Variants in EPS15L1 observed in about 807,000 individuals in gnomAD.
EPS15L1 encodes the protein epidermal growth factor receptor pathway substrate 15 like 1, also known as epidermal growth factor receptor substrate 15-like 1.
In EPS15L1, 43 loss-of-function variants were observed where a neutral mutation model predicts 117.1. The ratio of observed to expected loss-of-function variants is 0.37; its 90% CI spans 0.29 to 0.47. The LOEUF (loss-of-function observed/expected upper bound fraction) is 0.47, where lower values mean the gene tolerates loss of function less well. Among genes scored for constraint, EPS15L1 ranks in the 20% least tolerant of loss-of-function variants. EPS15L1 has a pLI of 0.99. For missense variants in EPS15L1, 981 were observed against 1,164.0 expected, an observed-to-expected ratio of 0.84 and a Z score of 2.29; for synonymous variants, 459 against 470.5, an observed-to-expected ratio of 0.98 and a Z score of 0.32.
intron 1 of EPS15L1, among the ~76,000 whole-genome samples, chr19:16,466,154 A>G (rs2093303453): frequency 6.6e-6 from 1 of 151,978 alleles, no homozygotes; most frequent in African/African-American, 2.4e-5. Flanking sequence ...ACGCCTGGCT[A>G]ATTTTTGTAT....
At chr19:16,374,709 T>TGTTGAGTGG (rs1395931333) in intron 22 of EPS15L1, among the ~76,000 whole-genome samples, 1 of 152,162 alleles carries the variant, frequency 6.6e-6, no homozygotes, top group Admixed American at 6.5e-5. Context: ...ACCTGTGAGC[T>TGTTGAGTGG]GTTGAGTGGG....
intron 22 of EPS15L1, among the ~76,000 whole-genome samples, chr19:16,373,213 G>C (rs1044600192): frequency 1.3e-5 from 2 of 152,094 alleles, no homozygotes; most frequent in Non-Finnish European, 2.9e-5. Context: ...CCAGCTCAAG[G>C]CTCGACCGCC....
At chr19:16,391,918 T>C (rs977668705) in intron 19 of EPS15L1, among the ~76,000 whole-genome samples, 7 of 151,946 alleles carry the variant, frequency 4.6e-5, no homozygotes, top group Non-Finnish European at 7.4e-5. Flanking sequence ...GCCGGGTCCA[T>C]GCGAGCATGT....
rs1452332357 is a variant in EPS15L1, at chr19:16,386,224, G to A, written c.2111C>T (p.Pro704Leu). 6.2e-7 allele frequency: 1 copy of A among 1,611,808 alleles called. No homozygotes were observed. The highest frequency in any genetic ancestry group is 1.7e-5 in the Admixed American group (1 of 60,012). The change falls in exon 20 of 24, where the codon CCC (proline) becomes CTC (leucine). Residue 704 changes from proline to leucine, a missense_variant. By Grantham distance (98) the Pro-to-Leu change is moderately conservative. Coordinates refer to ENST00000455140, the MANE Select transcript of EPS15L1 (RefSeq NM_001258374.3). ...KNPSLPSKLD[P>L]FESSDPFSSS... is the part of the protein sequence containing the mutation. ...TGAAAAGGGATCACTGGATTCAAAG[G>A]GGTCGAGCTAAATGAAAGGAGAGAG...
Position 16,370,838 on chromosome 19 carries a change from T to A in EPS15L1, c.2380+6284A>T, listed in dbSNP as rs2092213708. Among the ~76,000 whole-genome samples, 1 of 152,134 alleles carries A rather than the reference T, an allele frequency of 6.6e-6. No homozygotes were observed. The highest frequency in any genetic ancestry group is 1.5e-5 in the Non-Finnish European group (1 of 68,018). ...TCAGACGGAAGCTCTGAAGCTTCCT[T>A]GAACACAGCAGTGCTGGGGGATGGG... On this transcript the variant is annotated intron_variant, in intron 22 of 23. Transcript: ENST00000455140. The surrounding 1 kb of genome is among the most constrained non-coding windows in gnomAD (Gnocchi z 5.2).
chr19:16,430,206 C>T (rs772888933), intron 7 of EPS15L1, among the ~76,000 whole-genome samples: 5 of 152,218 alleles, frequency 3.3e-5, no homozygotes, highest in Non-Finnish European at 7.3e-5. Context: ...GCCCTGCTCC[C>T]CGTGCTCGAG....
At chr19:16,436,507 T>C (rs17723565) in intron 6 of EPS15L1, 3,769 of 157,994 alleles carry the variant, frequency 0.024, 123 homozygotes, top group Admixed American at 0.087. Context: ...AATGGTAACA[T>C]GCAAAGTGGC....
intron 1 of EPS15L1, among the ~76,000 whole-genome samples, chr19:16,459,345 T>C (rs1198087371): frequency 6.6e-6 from 1 of 152,124 alleles, no homozygotes; most frequent in East Asian, 1.9e-4. Flanking sequence ...GTTGATTTGA[T>C]GGAAAAGCTG....
intron 16 of EPS15L1, chr19:16,401,497 C>A (rs996519094): frequency 1.2e-5 from 12 of 985,678 alleles, no homozygotes; most frequent in Non-Finnish European, 1.4e-5. Flanking sequence ...CTGCTGGAGG[C>A]AGCAGAGCAC....
chr19:16,366,466 G>C (rs2092134459), intron 22 of EPS15L1, among the ~76,000 whole-genome samples: 1 of 152,152 alleles, frequency 6.6e-6, no homozygotes, highest in Admixed American at 6.5e-5. Context: ...TTCAAGCTGA[G>C]GTTTCTGATG....
At chr19:16,428,600 A>AAAGAAAAG (rs1367643626) in intron 8 of EPS15L1, 102 bp downstream of exon 8, 11 of 750,934 alleles carry the variant, frequency 1.5e-5, no homozygotes, top group Admixed American at 3.0e-5. Context: ...AAAGAAAAGA[A>AAAGAAAAG]AAAAGAAAAG....
intron 19 of EPS15L1, among the ~76,000 whole-genome samples, chr19:16,391,582 C>T (rs1050024030): frequency 2.0e-5 from 3 of 150,846 alleles, no homozygotes; most frequent in African/African-American, 7.3e-5. Flanking sequence ...GAAGCACGCT[C>T]ACTCCATCAT....
chr19:16,423,015 G>A (rs17723516), intron 9 of EPS15L1, among the ~76,000 whole-genome samples: 3,667 of 151,978 alleles, frequency 0.024, 121 homozygotes, highest in Admixed American at 0.086. Context: ...TTGACAACCC[G>A]AAGATGTCCA....
chr19:16,429,699 CCT>C (rs2092910429), intron 7 of EPS15L1, among the ~76,000 whole-genome samples: 1 of 152,172 alleles, frequency 6.6e-6, no homozygotes, highest in Admixed American at 6.5e-5. Context: ...CAGATGGGGC[CCT>C]GTCACCTGGC....
Position 16,403,864 on chromosome 19 carries a change from T to A in EPS15L1, c.1495A>T (p.Asn499Tyr). The A allele has an allele frequency of 6.2e-7, 1 of 1,614,158 alleles. No individual in the cohort carries two copies. Residue 499 changes from asparagine (N) to tyrosine (Y), a missense_variant, in exon 15 of 24, where the codon AAC becomes TAC. Asn to Tyr is a moderately radical substitution (Grantham distance 143). This residue lies in a region of EPS15L1 where 819 missense variants were observed against 949.0 expected (regional missense o/e 0.86). Transcript: ENST00000455140. Reference protein sequence around the residue: ...SDLKSQEDDLNRAKSELNRLQ... With the variant: ...SDLKSQEDDLYRAKSELNRLQ... ...CGGTTCAGCTCCGACTTGGCTCGGT[T>A]CAGATCGTCTTCCTGGGACTTTAAG...
chr19:16,450,169 C>A (rs934178584), intron 1 of EPS15L1, among the ~76,000 whole-genome samples: 29 of 152,088 alleles, frequency 1.9e-4, no homozygotes, highest in Non-Finnish European at 3.5e-4. Flanking sequence ...ATTACCTGAG[C>A]CCAGGAGTTC....
intron 1 of EPS15L1, among the ~76,000 whole-genome samples, chr19:16,454,324 G>T (rs1019698916): frequency 2.6e-5 from 4 of 152,214 alleles, no homozygotes; most frequent in Admixed American, 2.6e-4. Context: ...TCTAGCAGGT[G>T]CAGTGTGTGA....
At chr19:16,448,195 A>T in intron 1 of EPS15L1, among the ~76,000 whole-genome samples, 1 of 152,190 alleles carries the variant, frequency 6.6e-6, no homozygotes, top group East Asian at 1.9e-4. Context: ...CCGATTCACA[A>T]AAGGAAAGAT....
chr19:16,438,006 T>C (rs1599649540), intron 4 of EPS15L1, 141 bp from the exon 5 acceptor site: 4 of 646,186 alleles, frequency 6.2e-6, no homozygotes, highest in Non-Finnish European at 8.3e-6. Context: ...CCTTGGAGCG[T>C]TGGGCTGAAC....
Sources: gnomAD v4.1 joint callset for allele counts (sites outside exome capture counted in the v4.1 genomes callset) on GRCh38, gnomAD v4.1.1 for gene constraint, gnomAD v4.1.1 regional missense constraint, Gnocchi (gnomAD v3.1) non-coding constraint, MANE v1.5 for transcripts, NCBI Gene and HGNC (gene_info 2026-07-23, HGNC 2026-07-21) for gene names.